Variants in KLF12 observed in about 807,000 individuals in gnomAD.
The protein encoded by KLF12 is Krueppel-like factor 12.
KLF12 carries 9 observed loss-of-function variants against 37.8 expected under a neutral mutation model. That is an observed-to-expected ratio of 0.24 (90% CI 0.14 to 0.42). The LOEUF is 0.42. KLF12 is among the 10% of genes least tolerant of loss of function. KLF12 has a pLI of 1.00. For synonymous variants in KLF12, 208 were observed against 202.1 expected, an observed-to-expected ratio of 1.03 and a Z score of -0.25; for missense variants, 411 against 516.0, an observed-to-expected ratio of 0.80 and a Z score of 1.97.
intron 1 of KLF12, among the ~76,000 whole-genome samples, chr13:74,096,133 C>T (rs1218557511): frequency 6.6e-6 from 1 of 152,164 alleles, no homozygotes; most frequent in Non-Finnish European, 1.5e-5. Flanking sequence ...GAAGATTCTC[C>T]TCTTTCCCTT....
chr13:74,199,710 C>T, the KLF12 span, among the ~76,000 whole-genome samples: 6 of 152,156 alleles, frequency 3.9e-5, no homozygotes, highest in Admixed American at 2.6e-4. Context: ...TTGTCAATAA[C>T]GTCCTGAATA....
chr13:73,897,300 C>G (rs921653986), intron 3 of KLF12, among the ~76,000 whole-genome samples: 1 of 152,160 alleles, frequency 6.6e-6, no homozygotes, highest in Non-Finnish European at 1.5e-5. Flanking sequence ...TTTGAATGAA[C>G]TAACAGCTTT....
At chr13:74,166,078 C>T in the KLF12 span, among the ~76,000 whole-genome samples, 1 of 141,008 alleles carries the variant, frequency 7.1e-6, no homozygotes, top group South Asian at 2.3e-4. Context: ...TGAACTAATG[C>T]ATAAACACCT....
At chr13:73,935,072 C>T (rs1460860596) in intron 3 of KLF12, among the ~76,000 whole-genome samples, 1 of 151,934 alleles carries the variant, frequency 6.6e-6, no homozygotes, top group Non-Finnish European at 1.5e-5. Context: ...CTCCACCTCC[C>T]GGGCTCAAGT....
At chr13:73,927,232 G>C (rs895466271) in intron 3 of KLF12, among the ~76,000 whole-genome samples, 1 of 152,202 alleles carries the variant, frequency 6.6e-6, no homozygotes, top group African/African-American at 2.4e-5. Flanking sequence ...TAAGCAGCCA[G>C]CTAAAAGTGG....
Position 73,859,649 on chromosome 13 carries a change from T to C in KLF12, c.124-13276A>G, listed in dbSNP as rs556416017. On this transcript the variant is annotated intron_variant, in intron 3 of 7. Coordinates refer to ENST00000377669, the MANE Select transcript of KLF12 (RefSeq NM_007249.5). ...TGTCAGTTACCAACATCATAATGTC[T>C]ATTTCTTATTTAGTTCCCGTTTGTT... Among the ~76,000 whole-genome samples the C allele has an allele frequency of 2.0e-5, 3 of 152,352 alleles. No homozygotes were observed. The South Asian group carries it at 6.2e-4, about 32-fold the overall frequency.
chr13:73,852,597 T>C (rs1885387803), intron 3 of KLF12, among the ~76,000 whole-genome samples: 1 of 151,950 alleles, frequency 6.6e-6, no homozygotes, highest in South Asian at 2.1e-4. Context: ...CCCAACATAG[T>C]GAAACCCAGT....
At chr13:73,932,332 C>G (rs1889724074) in intron 3 of KLF12, among the ~76,000 whole-genome samples, 1 of 152,106 alleles carries the variant, frequency 6.6e-6, no homozygotes, top group South Asian at 2.1e-4. Context: ...AAGGACTGAC[C>G]AATGACACTG....
At chr13:74,167,995 A>G in the KLF12 span, among the ~76,000 whole-genome samples, 2 of 152,356 alleles carry the variant, frequency 1.3e-5, no homozygotes, top group Non-Finnish European at 2.9e-5. Context: ...CAACTGGTAC[A>G]TTTTTACAAG....
At chr13:74,102,822 G>C (rs971088021) in intron 1 of KLF12, among the ~76,000 whole-genome samples, 2 of 152,198 alleles carry the variant, frequency 1.3e-5, no homozygotes, top group African/African-American at 4.8e-5. Flanking sequence ...CCAGATTGGT[G>C]AGTATGAAAA....
chr13:73,753,979 T>A (rs1878969091), intron 6 of KLF12, among the ~76,000 whole-genome samples: 1 of 152,154 alleles, frequency 6.6e-6, no homozygotes, highest in Non-Finnish European at 1.5e-5. Context: ...ATCAATAGCA[T>A]TCAATCAAGC....
At chr13:73,891,839 C>T (rs955341746) in intron 3 of KLF12, among the ~76,000 whole-genome samples, 13 of 152,188 alleles carry the variant, frequency 8.5e-5, no homozygotes, top group Non-Finnish European at 1.3e-4. Flanking sequence ...CTTTGGATGA[C>T]TTATCTTTAT....
the KLF12 span, among the ~76,000 whole-genome samples, chr13:74,284,993 G>A: frequency 2.0e-5 from 3 of 152,102 alleles, no homozygotes; most frequent in African/African-American, 4.8e-5. Flanking sequence ...CACTGTCATG[G>A]CCTTGAGATT....
At chr13:73,785,820 T>C (rs1881305305) in intron 5 of KLF12, among the ~76,000 whole-genome samples, 1 of 152,160 alleles carries the variant, frequency 6.6e-6, no homozygotes, top group African/African-American at 2.4e-5. Flanking sequence ...ATCTGCTGGA[T>C]GCCATGCATC....
intron 1 of KLF12, among the ~76,000 whole-genome samples, chr13:74,110,716 T>TA (rs1290426636): frequency 1.3e-5 from 2 of 152,112 alleles, no homozygotes; most frequent in Admixed American, 1.3e-4. Context: ...TCGGTTGAGT[T>TA]AAATTTACTT....
chr13:74,295,635 T>C, the KLF12 span, among the ~76,000 whole-genome samples: 1 of 152,218 alleles, frequency 6.6e-6, no homozygotes, highest in Non-Finnish European at 1.5e-5. Flanking sequence ...TTTCGATCCT[T>C]AATGATTCAA....
At chr13:74,226,552 A>G in the KLF12 span, among the ~76,000 whole-genome samples, 3 of 152,192 alleles carry the variant, frequency 2.0e-5, no homozygotes, top group Non-Finnish European at 4.4e-5. Context: ...TTTGGTAAAC[A>G]TTAACAAATA....
the KLF12 span, among the ~76,000 whole-genome samples, chr13:74,207,293 G>A: frequency 6.6e-6 from 1 of 152,106 alleles, no homozygotes; most frequent in African/African-American, 2.4e-5. Context: ...TGCTTTATGC[G>A]GGACACATTC....
chr13:73,993,104 G>T (rs184036931), intron 2 of KLF12, among the ~76,000 whole-genome samples: 1 of 152,094 alleles, frequency 6.6e-6, no homozygotes, highest in Non-Finnish European at 1.5e-5. Context: ...AACATGGCAC[G>T]CACCTGTAAT....
Sources: gnomAD v4.1 joint callset for allele counts (sites outside exome capture counted in the v4.1 genomes callset) on GRCh38, gnomAD v4.1.1 for gene constraint, MANE v1.5 for transcripts, NCBI Gene and HGNC (gene_info 2026-07-23, HGNC 2026-07-21) for gene names.